Variants in ERC2 observed in about 807,000 individuals in gnomAD.
ERC2 encodes ELKS/RAB6-interacting/CAST family member 2, also known as ERC protein 2.
Under a neutral mutation model 114.8 loss-of-function variants are expected in ERC2, and 42 were observed. The observed-to-expected ratio is 0.37, with a 90% CI of 0.29 to 0.47. ERC2 has a LOEUF of 0.47. ERC2 is among the 20% of genes least tolerant of loss of function. The pLI is 0.99. For missense variants in ERC2, 939 were observed against 1,150.7 expected (o/e 0.82, Z 2.66); for synonymous variants, 454 against 425.5 (o/e 1.07, Z -0.82).
intron 3 of ERC2, among the ~76,000 whole-genome samples, chr3:56,259,886 G>T (rs1293178848): frequency 6.6e-6 from 1 of 152,086 alleles, no homozygotes; most frequent in Admixed American, 6.5e-5. Flanking sequence ...AAGAGCTATG[G>T]GTTGGCTGAT....
intron 6 of ERC2, among the ~76,000 whole-genome samples, chr3:56,130,034 T>C (rs973787980): frequency 7.9e-5 from 12 of 152,238 alleles, no homozygotes; most frequent in African/African-American, 2.7e-4. Context: ...AGGATTTTTG[T>C]TGGAACACTT....
At chr3:55,974,528 G>C (rs2069426643) in intron 12 of ERC2, among the ~76,000 whole-genome samples, 1 of 152,202 alleles carries the variant, frequency 6.6e-6, no homozygotes, top group Non-Finnish European at 1.5e-5. Context: ...CCCAAAAAAT[G>C]ATTCCTGGAA....
At chr3:56,374,007 T>C (rs1301184302) in intron 2 of ERC2, among the ~76,000 whole-genome samples, 1 of 152,182 alleles carries the variant, frequency 6.6e-6, no homozygotes, top group Non-Finnish European at 1.5e-5. Context: ...AGAGGAGTTG[T>C]CCCAGTTTTC....
intron 2 of ERC2, among the ~76,000 whole-genome samples, chr3:56,345,995 C>T (rs1265251640): frequency 1.3e-5 from 2 of 152,188 alleles, no homozygotes; most frequent in African/African-American, 4.8e-5. Context: ...AGATCTACCC[C>T]TTAACTAACC....
At chr3:56,246,928 T>C (rs1379543751) in intron 3 of ERC2, among the ~76,000 whole-genome samples, 1 of 152,230 alleles carries the variant, frequency 6.6e-6, no homozygotes, top group African/African-American at 2.4e-5. Context: ...ATGTGGATCA[T>C]AAACAATCCA....
intron 14 of ERC2, among the ~76,000 whole-genome samples, chr3:55,853,815 A>G (rs2061673588): frequency 6.6e-6 from 1 of 152,178 alleles, no homozygotes; most frequent in East Asian, 1.9e-4. Flanking sequence ...TGGGAACATG[A>G]AAAGAATTAC....
intron 13 of ERC2, among the ~76,000 whole-genome samples, chr3:55,892,329 G>A (rs936566136): frequency 6.6e-6 from 1 of 152,176 alleles, no homozygotes; most frequent in African/African-American, 2.4e-5. Flanking sequence ...ACCAGGCTGG[G>A]CAACATGGCA....
chr3:56,023,774 T>TGAAGGAAGGAAGGAAGGAGG (rs2073873864), intron 7 of ERC2, among the ~76,000 whole-genome samples: 1 of 131,772 alleles, frequency 7.6e-6, no homozygotes. Flanking sequence ...AAAAAAGGAA[T>TGAAGGAAGGAAGGAAGGAGG]GAAGGAAGGA....
rs746672472 is a variant in ERC2 at position 55,992,182 on chromosome 3, T to A, written c.2130A>T (p.Lys710Asn). 7 of 1,613,820 alleles carry A rather than the reference T, an allele frequency of 4.3e-6. No homozygotes were observed. The highest frequency in any genetic ancestry group is 1.7e-5 in the Admixed American group (1 of 60,000). ...ACTCGTCGCGGTAGTAAGACGCCTC[T>A]TTATCGAGCTGTTTTATTTGGTCTG... Reference protein sequence around the residue: ...EFADQIKQLDKEASYYRDECG... With the variant: ...EFADQIKQLDNEASYYRDECG... The change falls in exon 11 of 18, where the codon AAA becomes AAT. Residue 710 changes from lysine (K) to asparagine (N), a missense_variant. Physicochemically the swap from Lys to Asn is moderately conservative, Grantham distance 94. Transcript: ENST00000288221.
chr3:56,261,238 T>C (rs913198595), intron 3 of ERC2, among the ~76,000 whole-genome samples: 1 of 152,252 alleles, frequency 6.6e-6, no homozygotes, highest in African/African-American at 2.4e-5. Flanking sequence ...GAAGCTTTCC[T>C]TGCCCTCTCA....
intron 14 of ERC2, among the ~76,000 whole-genome samples, chr3:55,852,834 T>C (rs1012446608): frequency 2.0e-5 from 3 of 152,234 alleles, no homozygotes; most frequent in African/African-American, 2.4e-5. Flanking sequence ...TCTCCAGATA[T>C]TCCCCCCTAA....
intron 13 of ERC2, among the ~76,000 whole-genome samples, chr3:55,937,734 T>A (rs1477335863): frequency 6.6e-6 from 1 of 152,236 alleles, no homozygotes; most frequent in African/African-American, 2.4e-5. Context: ...TAAGTAGACA[T>A]CTTGATTATT....
chr3:56,025,784 T>C (rs1017924033), intron 7 of ERC2, among the ~76,000 whole-genome samples: 2 of 152,164 alleles, frequency 1.3e-5, no homozygotes, highest in Non-Finnish European at 2.9e-5. Context: ...AGCATAGACA[T>C]AACACCAACA....
At chr3:56,438,555 CT>C (rs1171376304) in intron 1 of ERC2, among the ~76,000 whole-genome samples, 2 of 151,212 alleles carry the variant, frequency 1.3e-5, no homozygotes, top group Non-Finnish European at 2.9e-5. Context: ...ATGATATATA[CT>C]TTTTTCATTA....
At chr3:56,290,871 G>C (rs2055039874) in intron 3 of ERC2, among the ~76,000 whole-genome samples, 1 of 152,142 alleles carries the variant, frequency 6.6e-6, no homozygotes, top group African/African-American at 2.4e-5. Context: ...CAGGTCTCCT[G>C]GGGGTTTTGC....
At chr3:56,447,156 C>A (rs1469532511) in intron 1 of ERC2, among the ~76,000 whole-genome samples, 2 of 152,222 alleles carry the variant, frequency 1.3e-5, no homozygotes, top group Non-Finnish European at 2.9e-5. Flanking sequence ...ATCCGCTACA[C>A]CCCCACATGG....
At chr3:56,108,688 C>G (rs1221620143) in intron 6 of ERC2, among the ~76,000 whole-genome samples, 3 of 152,024 alleles carry the variant, frequency 2.0e-5, no homozygotes, top group Non-Finnish European at 4.4e-5. Flanking sequence ...ATAGATGATT[C>G]TTTTTAAAAA....
At chr3:55,864,890 G>A (rs557379861) in intron 14 of ERC2, among the ~76,000 whole-genome samples, 62 of 151,812 alleles carry the variant, frequency 4.1e-4, no homozygotes, top group Non-Finnish European at 7.8e-4. Flanking sequence ...CACCATCACC[G>A]CCATAATCAT....
intron 6 of ERC2, among the ~76,000 whole-genome samples, chr3:56,083,920 G>C (rs2077370331): frequency 6.6e-6 from 1 of 151,688 alleles, no homozygotes; most frequent in Admixed American, 6.6e-5. Flanking sequence ...AAAAAAAATG[G>C]AACAGGGGAA....
Sources: gnomAD v4.1 joint callset for allele counts (sites outside exome capture counted in the v4.1 genomes callset) on GRCh38, gnomAD v4.1.1 for gene constraint, MANE v1.5 for transcripts, NCBI Gene and HGNC (gene_info 2026-07-23, HGNC 2026-07-21) for gene names.